POLR1C: variants seen among roughly 807,000 people sequenced by gnomAD.
POLR1C encodes the protein DNA-directed RNA polymerases I and III subunit RPAC1.
POLR1C carries 42 observed loss-of-function variants against 38.3 expected under a neutral mutation model. That is an observed-to-expected ratio of 1.10 (90% CI 0.86 to 1.42). The LOEUF (loss-of-function observed/expected upper bound fraction) is 1.42. Ranked by LOEUF, POLR1C falls within the 40% of genes most tolerant of loss-of-function variation. The pLI is 0.00. For missense variants in POLR1C, 507 were observed against 450.5 expected (o/e 1.13, Z -1.14); for synonymous variants, 163 against 163.9 (o/e 0.99, Z 0.04).
chr6:43,524,439 G>A (rs745713952), downstream of POLR1C: 1 of 1,605,478 alleles, frequency 6.2e-7, no homozygotes, highest in East Asian at 2.2e-5. Context: ...TAAGAAGGGG[G>A]TTGGGAGCAC....
chr6:43,528,995 C>T, intron 8 of POLR1C: 1 of 1,426,752 alleles, frequency 7.0e-7, no homozygotes, highest in South Asian at 1.3e-5. Context: ...GTGGGTTGCA[C>T]CCCTGGGCAG....
chr6:43,560,989 C>T, intron 10 of POLR1C: 1 of 1,613,882 alleles, frequency 6.2e-7, no homozygotes, highest in Non-Finnish European at 8.5e-7. Context: ...GATGGTGTTT[C>T]TACATCAGAA....
At chr6:43,526,030 G>C, downstream of POLR1C, 1 of 1,278,936 alleles carries the variant, frequency 7.8e-7, no homozygotes, top group Admixed American at 2.0e-5. Flanking sequence ...TCTAGGCTAA[G>C]TGGTGGCTAA....
intron 9 of POLR1C, chr6:43,550,081 C>T (rs1795156000): frequency 1.3e-6 from 1 of 745,432 alleles, no homozygotes; most frequent in Admixed American, 2.5e-5. Context: ...CGGGCATGAG[C>T]TTATTCATAC....
At chr6:43,521,118 GA>G (rs1229877240) in intron 8 of POLR1C, 63 bp from the exon 9 acceptor site, 1 of 1,603,514 alleles carries the variant, frequency 6.2e-7, no homozygotes, top group African/African-American at 1.3e-5. Flanking sequence ...GTCTAGATGT[GA>G]AGTTTATGAG....
intron 2 of POLR1C, 101 bp downstream of exon 2, chr6:43,517,478 G>A: frequency 1.0e-6 from 1 of 981,240 alleles, no homozygotes; most frequent in Non-Finnish European, 1.6e-6. Context: ...GGGTCGCTCC[G>A]TTTGTAAGTT....
intron 9 of POLR1C, chr6:43,546,427 T>G: frequency 1.3e-6 from 1 of 771,520 alleles, no homozygotes; most frequent in Non-Finnish European, 1.8e-6. Context: ...TTTTTAAAAC[T>G]GAGACACCCT....
Position 43,560,452 on chromosome 6 carries a change from C to T in POLR1C, c.*49-948C>T, listed in dbSNP as rs7741841. On this transcript the variant is annotated intron_variant, in intron 10 of 10. Coordinates refer to the POLR1C transcript ENST00000607635. ...TCTACTGCAATTTATCAGTAATGACCACCCACTATGGACCACATGTTAGTA... is the reference window on the plus strand; with the variant it reads ...TCTACTGCAATTTATCAGTAATGACTACCCACTATGGACCACATGTTAGTA... The T allele has an allele frequency of 0.088, 85,926 of 971,354 alleles. 10,134 individuals carry two copies. Among genetic ancestry groups the T allele is most frequent in the African/African-American group, 0.51 (30,579 of 59,758 alleles). The allele number at this position is 971,354 out of a possible 1,614,324, so 60.2% of individuals were successfully genotyped here.
intron 9 of POLR1C, chr6:43,546,512 TTTTGAAA>T (rs1233756299): frequency 6.5e-7 from 1 of 1,528,370 alleles, no homozygotes. Context: ...CAGACTAAAC[TTTTGAAA>T]TTTTTAAGGT....
At chr6:43,531,371 CTCT>C, downstream of POLR1C, 1 of 989,052 alleles carries the variant, frequency 1.0e-6, no homozygotes, top group Non-Finnish European at 1.6e-6. Flanking sequence ...TCCTATCAAA[CTCT>C]TGCCTCGCCT....
chr6:43,525,207 C>G (rs1462686646), downstream of POLR1C: 1 of 1,574,742 alleles, frequency 6.4e-7, no homozygotes, highest in Admixed American at 1.9e-5. Flanking sequence ...TAGCGCTGTA[C>G]AAACATCCTG....
At chr6:43,524,393 C>G, downstream of POLR1C, 1 of 1,366,878 alleles carries the variant, frequency 7.3e-7, no homozygotes, top group Non-Finnish European at 1.0e-6. Context: ...TGGTCAATAA[C>G]TACAGCTGGT....
chr6:43,544,015 C>T (rs1236997182), intron 9 of POLR1C: 2 of 152,390 alleles, frequency 1.3e-5, no homozygotes, highest in Admixed American at 1.3e-4. Flanking sequence ...TTAATAGCTC[C>T]AGCTACACAC....
chr6:43,524,352 CAAAAAAAAA>C, downstream of POLR1C: 2 of 1,069,142 alleles, frequency 1.9e-6, no homozygotes, highest in Non-Finnish European at 2.5e-6. Context: ...AACCCCATCT[CAAAAAAAAA>C]AAAAAAAAAA....
intron 8 of POLR1C, chr6:43,528,037 A>G: frequency 9.7e-7 from 1 of 1,029,430 alleles, no homozygotes. Flanking sequence ...ACCTAGGCTG[A>G]GAATGACTAC....
chr6:43,555,511 C>G (rs1047557988), intron 10 of POLR1C: 1 of 193,248 alleles, frequency 5.2e-6, no homozygotes. Context: ...AAAGTTAGGT[C>G]TACGCATGAA....
intron 9 of POLR1C, among the ~76,000 whole-genome samples, chr6:43,548,054 C>CA (rs1234014112): frequency 5.9e-5 from 9 of 152,186 alleles, no homozygotes; most frequent in Admixed American, 4.6e-4. Flanking sequence ...GCAGACACCA[C>CA]AGGAGTCTCA....
intron 8 of POLR1C, chr6:43,528,098 T>C (rs958952062): frequency 2.0e-6 from 3 of 1,525,814 alleles, no homozygotes; most frequent in African/African-American, 1.4e-5. Flanking sequence ...CCGCTTCCTT[T>C]TCCCACCCCA....
At chr6:43,535,080 C>A (rs1179543837) in intron 9 of POLR1C, among the ~76,000 whole-genome samples, 1 of 150,092 alleles carries the variant, frequency 6.7e-6, no homozygotes, top group Non-Finnish European at 1.5e-5. Context: ...ATCACGAGGT[C>A]ATGAGATCGA....
Sources: gnomAD v4.1 joint callset for allele counts (sites outside exome capture counted in the v4.1 genomes callset) on GRCh38, gnomAD v4.1.1 for gene constraint, MANE v1.5 for transcripts, NCBI Gene and HGNC (gene_info 2026-07-23, HGNC 2026-07-21) for gene names.